TOMM7: variants seen among roughly 807,000 people sequenced by gnomAD.
The protein encoded by TOMM7 is mitochondrial import receptor subunit TOM7 homolog.
A neutral mutation model predicts 9.5 loss-of-function variants in TOMM7; 8 were observed. That is an observed-to-expected ratio of 0.84 (90% CI 0.49 to 1.51). The LOEUF (loss-of-function observed/expected upper bound fraction) is 1.51. TOMM7 is among the 40% of genes most tolerant of loss of function. The pLI is 0.00. For missense variants in TOMM7, 74 were observed against 63.7 expected, an observed-to-expected ratio of 1.16 and a Z score of -0.55; for synonymous variants, 27 against 21.4, an observed-to-expected ratio of 1.26 and a Z score of -0.72.
At chr7:22,820,448 T>C (rs1046951113) in intron 1 of TOMM7, among the ~76,000 whole-genome samples, 1 of 152,170 alleles carries the variant, frequency 6.6e-6, no homozygotes, top group Non-Finnish European at 1.5e-5. Flanking sequence ...TACAGCTTTC[T>C]AGCAATAGAA....
At chr7:22,815,349 G>A (rs1782304654) in intron 2 of TOMM7, among the ~76,000 whole-genome samples, 1 of 151,908 alleles carries the variant, frequency 6.6e-6, no homozygotes, top group Non-Finnish European at 1.5e-5. Flanking sequence ...TAGCATGCAG[G>A]TCCAGCCTAA....
chr7:22,813,228 T>C (rs773724323), intron 2 of TOMM7, 43 bp from the exon 3 acceptor site: 148 of 1,589,524 alleles, frequency 9.3e-5, no homozygotes, highest in Non-Finnish European at 1.1e-4. Context: ...AATTCCGAAA[T>C]AAAAATCTTC....
At chr7:22,819,430 C>T (rs1227361449) in intron 1 of TOMM7, among the ~76,000 whole-genome samples, 3 of 151,550 alleles carry the variant, frequency 2.0e-5, no homozygotes, top group South Asian at 2.1e-4. Flanking sequence ...TGTAGTGGCA[C>T]GATCTCAGCT....
intron 1 of TOMM7, among the ~76,000 whole-genome samples, chr7:22,821,246 G>C (rs1310228514): frequency 2.0e-5 from 3 of 151,822 alleles, no homozygotes; most frequent in Non-Finnish European, 4.4e-5. Flanking sequence ...CCCGTTTCTA[G>C]TAAAAATACA....
chr7:22,822,559 G>A (rs1190622850), intron 1 of TOMM7, 118 bp downstream of exon 1: 7 of 906,470 alleles, frequency 7.7e-6, no homozygotes, highest in East Asian at 2.4e-5. Flanking sequence ...ACAGCCTCAG[G>A]GGCCGTGCAC....
chr7:22,821,884 C>T (rs867411972), intron 1 of TOMM7, among the ~76,000 whole-genome samples: 1 of 152,162 alleles, frequency 6.6e-6, no homozygotes, highest in Non-Finnish European at 1.5e-5. Flanking sequence ...CCTGTAGTCC[C>T]AGCTACTTGG....
chr7:22,819,893 G>C (rs1033307672), intron 1 of TOMM7, among the ~76,000 whole-genome samples: 5 of 152,192 alleles, frequency 3.3e-5, no homozygotes, highest in African/African-American at 1.2e-4. Context: ...TAAATGTCCA[G>C]ACAGATTCTC....
At chr7:22,817,829 T>A (rs1782335994) in intron 2 of TOMM7, 171 bp downstream of exon 2, 1 of 590,364 alleles carries the variant, frequency 1.7e-6, no homozygotes, top group Admixed American at 3.1e-5. Context: ...GTACAGTAAA[T>A]ACAAATTAGG....
At chr7:22,813,239 T>G in intron 2 of TOMM7, 54 bp from the exon 3 acceptor site, 1 of 1,559,446 alleles carries the variant, frequency 6.4e-7, no homozygotes, top group African/African-American at 1.4e-5. Flanking sequence ...AAAAATCTTC[T>G]AGACATAACC....
At position 22,820,767 on chromosome 7, in the gene TOMM7, G is replaced by C. The variant is rs184080979; in HGVS notation, c.103+1910C>G. Among the ~76,000 whole-genome samples the C allele has an allele frequency of 1.3e-3, 205 of 152,112 alleles. 4 individuals are homozygous for C. The highest frequency in any genetic ancestry group is 4.6e-3 in the African/African-American group (192 of 41,490). On this transcript the variant is annotated intron_variant, in intron 1 of 2. Coordinates refer to ENST00000358435, the MANE Select transcript of TOMM7 (RefSeq NM_019059.5). ...AACTGTCATATTTACTCTAATCCTT[G>C]GTACCCATACAAAGTCACTAAAATC...
intron 2 of TOMM7, 153 bp downstream of exon 2, chr7:22,817,847 A>G: frequency 1.6e-6 from 1 of 616,366 alleles, no homozygotes; most frequent in South Asian, 2.2e-5. Context: ...AGGAGGGGGA[A>G]GAGAAAGTAG....
intron 1 of TOMM7, chr7:22,822,389 G>A: frequency 9.0e-7 from 1 of 1,110,400 alleles, no homozygotes; most frequent in Non-Finnish European, 1.3e-6. Flanking sequence ...CACATCCACT[G>A]GGGTCATCCA....
At chr7:22,820,244 G>A (rs1363708890) in intron 1 of TOMM7, among the ~76,000 whole-genome samples, 1 of 152,186 alleles carries the variant, frequency 6.6e-6, no homozygotes, top group Non-Finnish European at 1.5e-5. Context: ...TGATAGACAA[G>A]TACTGGAAAG....
intron 2 of TOMM7, among the ~76,000 whole-genome samples, chr7:22,815,061 C>G (rs1782299668): frequency 6.6e-6 from 1 of 152,152 alleles, no homozygotes. Flanking sequence ...CTCACTCACT[C>G]AATTCTTTCC....
chr7:22,818,235 A>T, intron 1 of TOMM7, 187 bp from the exon 2 acceptor site: 1 of 559,844 alleles, frequency 1.8e-6, no homozygotes, highest in South Asian at 2.1e-5. Flanking sequence ...GTATGAAATT[A>T]TGTCCAGGAC....
At chr7:22,818,634 T>C (rs1434783288) in intron 1 of TOMM7, among the ~76,000 whole-genome samples, 1 of 152,074 alleles carries the variant, frequency 6.6e-6, no homozygotes, top group South Asian at 2.1e-4. Flanking sequence ...ATTCCTATTA[T>C]ATACACAATT....
At chr7:22,815,439 T>C (rs970587191) in intron 2 of TOMM7, among the ~76,000 whole-genome samples, 1 of 151,840 alleles carries the variant, frequency 6.6e-6, no homozygotes, top group Non-Finnish European at 1.5e-5. Flanking sequence ...CTCATGCTTA[T>C]AATCCTAGCA....
chr7:22,818,852 ATCAGCCTCC>A (rs1391172913), intron 1 of TOMM7, among the ~76,000 whole-genome samples: 4 of 147,942 alleles, frequency 2.7e-5, no homozygotes, highest in Non-Finnish European at 4.6e-5. Flanking sequence ...GGCTCAAGTG[ATCAGCCTCC>A]TCAGCCTCTC....
In TOMM7 at chr7:22,813,129, G is replaced by A. The variant is rs1212718303; in HGVS notation, c.*41C>T. 5.6e-6 allele frequency: 9 copies of A among 1,611,320 alleles called. No individual in the cohort carries two copies. The highest frequency in any genetic ancestry group is 7.6e-6 in the Non-Finnish European group (9 of 1,177,502). On this transcript the variant is annotated 3_prime_UTR_variant, in exon 3 of 3. Coordinates refer to ENST00000358435, the MANE Select transcript of TOMM7 (RefSeq NM_019059.5). The stretch of plus-strand genomic sequence containing the variant: ...AGCCAGAGCACACATCTTCCATGCT[G>A]TCCGCTGATTGCCTCCAAATCCAGA...
Sources: gnomAD v4.1 joint callset for allele counts (sites outside exome capture counted in the v4.1 genomes callset) on GRCh38, gnomAD v4.1.1 for gene constraint, MANE v1.5 for transcripts, NCBI Gene and HGNC (gene_info 2026-07-23, HGNC 2026-07-21) for gene names.